Variants in MAGI3 observed in about 807,000 individuals in gnomAD.
The protein encoded by MAGI3 is membrane associated guanylate kinase, WW and PDZ domain containing 3, also known as membrane-associated guanylate kinase, WW and PDZ domain-containing protein 3.
A neutral mutation model predicts 121.8 loss-of-function variants in MAGI3; 43 were observed. The ratio of observed to expected loss-of-function variants is 0.35; its 90% CI spans 0.28 to 0.46. MAGI3 has a LOEUF of 0.46. Ranked by LOEUF, MAGI3 falls within the 20% of genes least tolerant of loss-of-function variation. The pLI, the probability that MAGI3 is intolerant of heterozygous loss-of-function variation, is 1.00. For missense variants in MAGI3, 1,547 were observed against 1,797.3 expected (o/e 0.86, Z 2.52); for synonymous variants, 553 against 639.3 (o/e 0.86, Z 2.04).
intron 14 of MAGI3, 148 bp from the exon 15 acceptor site, chr1:113,653,682 A>G (rs1653307540): frequency 1.7e-6 from 1 of 584,356 alleles, no homozygotes; most frequent in Non-Finnish European, 2.8e-6. Flanking sequence ...CACTCAGATT[A>G]TACCCGAAGC....
intron 1 of MAGI3, among the ~76,000 whole-genome samples, chr1:113,398,467 G>A (rs989592519): frequency 3.9e-5 from 6 of 152,048 alleles, no homozygotes; most frequent in African/African-American, 1.2e-4. Flanking sequence ...AACGGTAACC[G>A]ATCTACTTAA....
chr1:113,474,964 A>G (rs1161581182), intron 1 of MAGI3, among the ~76,000 whole-genome samples: 2 of 152,076 alleles, frequency 1.3e-5, no homozygotes, highest in Non-Finnish European at 2.9e-5. Context: ...CATCCCTTGT[A>G]GGTTGGATTC....
chr1:113,544,856 C>T (rs905253214), intron 1 of MAGI3, among the ~76,000 whole-genome samples: 1 of 152,092 alleles, frequency 6.6e-6, no homozygotes, highest in Non-Finnish European at 1.5e-5. Context: ...TAGCAGAAAT[C>T]CTTTTCCTAT....
At chr1:113,629,976 C>T (rs977210587) in intron 9 of MAGI3, among the ~76,000 whole-genome samples, 13 of 151,962 alleles carry the variant, frequency 8.6e-5, no homozygotes, top group Non-Finnish European at 1.5e-4. Flanking sequence ...AACTCAAGGC[C>T]CTGGAGCCCT....
intron 1 of MAGI3, among the ~76,000 whole-genome samples, chr1:113,522,257 C>A (rs1658233786): frequency 6.6e-6 from 1 of 152,154 alleles, no homozygotes; most frequent in Non-Finnish European, 1.5e-5. Flanking sequence ...AGGCCTGCGC[C>A]ACATGCCCAG....
intron 9 of MAGI3, among the ~76,000 whole-genome samples, chr1:113,636,097 A>G (rs1407500951): frequency 1.3e-5 from 2 of 151,736 alleles, no homozygotes; most frequent in Non-Finnish European, 2.9e-5. Context: ...TTTTTATTGC[A>G]TCTATTTGAT....
At chr1:113,682,603 T>C (rs1361278095) in intron 20 of MAGI3, 30 of 984,744 alleles carry the variant, frequency 3.0e-5, no homozygotes, top group Admixed American at 6.1e-5. Flanking sequence ...TAAGTTCTAA[T>C]TGGGCTTTAC....
At chr1:113,597,336 C>T (rs1649082197) in intron 6 of MAGI3, among the ~76,000 whole-genome samples, 4 of 152,120 alleles carry the variant, frequency 2.6e-5, no homozygotes, top group Admixed American at 2.6e-4. Flanking sequence ...TAACTGTTAA[C>T]AGCATGAGGA....
chr1:113,638,899 C>T (rs1427171870), intron 9 of MAGI3, among the ~76,000 whole-genome samples: 3 of 152,252 alleles, frequency 2.0e-5, no homozygotes, highest in Admixed American at 6.5e-5. Flanking sequence ...GTTCGAGCTT[C>T]CCGGCTGCTT....
intron 1 of MAGI3, among the ~76,000 whole-genome samples, chr1:113,410,277 A>G (rs1350548327): frequency 6.6e-6 from 1 of 152,108 alleles, no homozygotes; most frequent in East Asian, 1.9e-4. Context: ...TATTAGAAGA[A>G]GGTCTAGAGC....
intron 1 of MAGI3, among the ~76,000 whole-genome samples, chr1:113,528,473 T>G (rs904055605): frequency 2.6e-5 from 4 of 152,162 alleles, no homozygotes; most frequent in African/African-American, 9.7e-5. Context: ...TTGGCAAAAA[T>G]ACTTCATAGA....
intron 1 of MAGI3, among the ~76,000 whole-genome samples, chr1:113,436,592 A>G (rs1462458518): frequency 2.6e-5 from 4 of 152,172 alleles, no homozygotes; most frequent in Non-Finnish European, 5.9e-5. Context: ...AAAGGATATT[A>G]TTTAACCATT....
intron 2 of MAGI3, among the ~76,000 whole-genome samples, chr1:113,578,561 CT>C (rs539170192): frequency 9.9e-5 from 15 of 152,094 alleles, no homozygotes; most frequent in Non-Finnish European, 2.1e-4. Flanking sequence ...GCTAGGACTA[CT>C]GGTGTGCATC....
intron 2 of MAGI3, among the ~76,000 whole-genome samples, chr1:113,576,509 C>T (rs549308694): frequency 2.0e-5 from 3 of 152,252 alleles, no homozygotes; most frequent in South Asian, 2.1e-4. Context: ...CCAGTCCCAA[C>T]GAGATTATCT....
intron 2 of MAGI3, among the ~76,000 whole-genome samples, chr1:113,571,423 G>A (rs1464186746): frequency 6.6e-6 from 1 of 152,182 alleles, no homozygotes; most frequent in East Asian, 1.9e-4. Flanking sequence ...TTCTAGTTAT[G>A]TGAAGAAAGT....
At chr1:113,659,734 C>T (rs553849166) in intron 16 of MAGI3, among the ~76,000 whole-genome samples, 4 of 152,100 alleles carry the variant, frequency 2.6e-5, no homozygotes, top group Non-Finnish European at 5.9e-5. Context: ...TAAAGGAGTG[C>T]GTGGGAATGG....
chr1:113,676,546 A>C (rs1451459979), intron 19 of MAGI3, among the ~76,000 whole-genome samples: 1 of 152,252 alleles, frequency 6.6e-6, no homozygotes, highest in Non-Finnish European at 1.5e-5. Flanking sequence ...CTAACCTGTA[A>C]GAAAATGTCA....
chr1:113,485,184 T>G (rs1656324640), intron 1 of MAGI3, among the ~76,000 whole-genome samples: 1 of 152,238 alleles, frequency 6.6e-6, no homozygotes, highest in Non-Finnish European at 1.5e-5. Context: ...TACCTAGTAG[T>G]GGGATTGCTG....
At chr1:113,604,988 A>G (rs1239492523) in intron 6 of MAGI3, among the ~76,000 whole-genome samples, 2 of 149,920 alleles carry the variant, frequency 1.3e-5, no homozygotes, top group South Asian at 2.1e-4. Context: ...AATATATAAT[A>G]TATGTAATAT....
Sources: allele counts gnomAD v4.1 joint callset (sites outside exome capture counted in the v4.1 genomes callset), GRCh38; gene constraint gnomAD v4.1.1; transcripts MANE v1.5; gene names NCBI Gene and HGNC (gene_info 2026-07-23, HGNC 2026-07-21).